AGTPBP1: variants seen among roughly 807,000 people sequenced by gnomAD.
AGTPBP1 encodes the protein ATP/GTP binding carboxypeptidase 1, also known as cytosolic carboxypeptidase 1.
Under a neutral mutation model 143.9 loss-of-function variants are expected in AGTPBP1, and 70 were observed. The observed-to-expected ratio is 0.49, with a 90% CI of 0.40 to 0.59. The LOEUF (loss-of-function observed/expected upper bound fraction) is 0.59. Ranked by LOEUF, AGTPBP1 falls within the 20% of genes least tolerant of loss-of-function variation. The pLI is 0.00. For synonymous variants in AGTPBP1, 463 were observed against 500.2 expected, an observed-to-expected ratio of 0.93 and a Z score of 0.99; for missense variants, 1,229 against 1,464.5, an observed-to-expected ratio of 0.84 and a Z score of 2.62.
intron 17 of AGTPBP1, among the ~76,000 whole-genome samples, chr9:85,611,754 C>T (rs1830330409): frequency 6.6e-6 from 1 of 152,158 alleles, no homozygotes; most frequent in Non-Finnish European, 1.5e-5. Context: ...AGTCTCAGCT[C>T]ACTGCAACCT....
intron 17 of AGTPBP1, among the ~76,000 whole-genome samples, chr9:85,600,990 T>C (rs538747907): frequency 2.0e-5 from 3 of 152,264 alleles, no homozygotes; most frequent in South Asian, 4.1e-4. Flanking sequence ...CCACTGCTGA[T>C]TGCTGTCACT....
intron 8 of AGTPBP1, among the ~76,000 whole-genome samples, chr9:85,666,752 C>A (rs1194913257): frequency 1.3e-5 from 2 of 151,892 alleles, no homozygotes; most frequent in Non-Finnish European, 2.9e-5. Flanking sequence ...TAAAGTACAT[C>A]TTAAGTAGGA....
At chr9:85,752,381 T>C in the AGTPBP1 span, among the ~76,000 whole-genome samples, 62 of 152,326 alleles carry the variant, frequency 4.1e-4, 1 homozygote, top group Non-Finnish European at 1.0e-4. Flanking sequence ...GCATTTCTAC[T>C]ATAATAAATT....
intron 1 of AGTPBP1, among the ~76,000 whole-genome samples, chr9:85,727,501 C>G (rs796371846): frequency 6.6e-6 from 1 of 152,120 alleles, no homozygotes. Context: ...TGTGTAAAAA[C>G]GTGGATGAAG....
intron 2 of AGTPBP1, among the ~76,000 whole-genome samples, chr9:85,704,646 G>C (rs1056085894): frequency 1.3e-5 from 2 of 151,986 alleles, no homozygotes; most frequent in African/African-American, 4.8e-5. Flanking sequence ...CCCAGAATAA[G>C]GCTCAAGAAT....
intron 15 of AGTPBP1, among the ~76,000 whole-genome samples, chr9:85,619,857 T>C (rs1009861100): frequency 6.6e-6 from 1 of 152,154 alleles, no homozygotes; most frequent in African/African-American, 2.4e-5. Context: ...TTCTGGAGCC[T>C]ACTCGCTAAT....
chr9:85,753,422 T>C, the AGTPBP1 span: 3 of 1,613,540 alleles, frequency 1.9e-6, no homozygotes, highest in South Asian at 1.1e-5. Flanking sequence ...ATCTCCAGGT[T>C]TGTCAATTCT....
chr9:85,770,360 T>G, the AGTPBP1 span: 11 of 1,607,252 alleles, frequency 6.8e-6, no homozygotes, highest in African/African-American at 1.5e-4. Flanking sequence ...AATGAAAGTA[T>G]CCAGAATTGC....
At chr9:85,796,971 G>A in the AGTPBP1 span, among the ~76,000 whole-genome samples, 1 of 151,788 alleles carries the variant, frequency 6.6e-6, no homozygotes, top group Non-Finnish European at 1.5e-5. Context: ...ATTTTTAGTA[G>A]AGACAGGGTT....
At chr9:85,584,559 T>C (rs1432980204) in intron 23 of AGTPBP1, among the ~76,000 whole-genome samples, 3 of 152,222 alleles carry the variant, frequency 2.0e-5, no homozygotes, top group Non-Finnish European at 4.4e-5. Context: ...TAGTTGAGAA[T>C]TGTGAAGGCT....
chr9:85,633,391 A>T lies in AGTPBP1; in HGVS notation c.1303-17T>A. On this transcript the variant is annotated splice_polypyrimidine_tract_variant and intron_variant, in intron 13 of 25. Coordinates refer to ENST00000357081, the MANE Select transcript of AGTPBP1 (RefSeq NM_001330701.2). Reference sequence around the variant, plus strand: ...ATCATAGTCCTTTGAAAATAAAAACATGTTTAATCTTTTAACTGTAAATAT... The same window carrying T: ...ATCATAGTCCTTTGAAAATAAAAACTTGTTTAATCTTTTAACTGTAAATAT... 6.7e-7 allele frequency: 1 copy of T among 1,482,536 alleles called. No homozygotes were observed. Among genetic ancestry groups the T allele is most frequent in the Non-Finnish European group, 9.0e-7 (1 of 1,105,910 alleles). The allele number at this position is 1,482,536 out of a possible 1,614,324, so 91.8% of individuals were successfully genotyped here.
At chr9:85,572,002 GTGTTTTTTTT>G (rs1352898952) in intron 25 of AGTPBP1, among the ~76,000 whole-genome samples, 1,056 of 85,274 alleles carry the variant, frequency 0.012, 18 homozygotes, top group Middle Eastern at 0.053. Context: ...TTGTTTGTGT[GTGTTTTTTTT>G]TTTTTTTTTT....
intron 2 of AGTPBP1, among the ~76,000 whole-genome samples, chr9:85,699,522 C>A (rs1836506832): frequency 6.6e-6 from 1 of 152,090 alleles, no homozygotes; most frequent in Middle Eastern, 3.4e-3. Flanking sequence ...AATTACACTA[C>A]CTTTTTCACC....
the AGTPBP1 span, among the ~76,000 whole-genome samples, chr9:85,758,909 T>C: frequency 6.6e-6 from 1 of 151,588 alleles, no homozygotes; most frequent in Non-Finnish European, 1.5e-5. Flanking sequence ...AGGCTCAAAA[T>C]AAAGGGATGG....
chr9:85,592,730 T>A, intron 18 of AGTPBP1, 26 bp from the exon 19 acceptor site: 1 of 1,600,702 alleles, frequency 6.2e-7, no homozygotes, highest in Non-Finnish European at 8.5e-7. Flanking sequence ...ATAAAACATG[T>A]TCATTTCATC....
At chr9:85,730,292 C>T (rs1035644134) in intron 1 of AGTPBP1, among the ~76,000 whole-genome samples, 1 of 152,172 alleles carries the variant, frequency 6.6e-6, no homozygotes, top group Non-Finnish European at 1.5e-5. Flanking sequence ...TCTCCCAATT[C>T]GCCCTTTTTG....
chr9:85,730,386 G>A (rs74640032), intron 1 of AGTPBP1, among the ~76,000 whole-genome samples: 4,230 of 152,088 alleles, frequency 0.028, 199 homozygotes, highest in African/African-American at 0.096. Context: ...GTCAGTAGAC[G>A]GCTCTGGAAA....
intron 1 of AGTPBP1, among the ~76,000 whole-genome samples, chr9:85,718,906 C>T (rs902678924): frequency 3.3e-5 from 5 of 152,164 alleles, no homozygotes; most frequent in African/African-American, 9.7e-5. Context: ...GTTTTCCCAA[C>T]ACCATTTATT....
upstream of AGTPBP1, among the ~76,000 whole-genome samples, chr9:85,746,874 GT>G (rs569763666): frequency 0.052 from 7,823 of 151,644 alleles, 351 homozygotes; most frequent in African/African-American, 0.12. Flanking sequence ...GTACAATTTT[GT>G]TTTTTTTGAG....
Sources: gnomAD v4.1 joint callset for allele counts (sites outside exome capture counted in the v4.1 genomes callset) on GRCh38, gnomAD v4.1.1 for gene constraint, MANE v1.5 for transcripts, NCBI Gene and HGNC (gene_info 2026-07-23, HGNC 2026-07-21) for gene names.